The following CDH18 variants were observed in gnomAD, a reference collection of about 807,000 sequenced individuals.
The protein encoded by CDH18 is cadherin-18.
A neutral mutation model predicts 67.9 loss-of-function variants in CDH18; 31 were observed. That is an observed-to-expected ratio of 0.46 (90% CI 0.34 to 0.62). CDH18 has a LOEUF of 0.62. Among genes scored for constraint, CDH18 ranks in the 20% least tolerant of loss-of-function variants. The pLI is 0.01. For synonymous variants in CDH18, 362 were observed against 347.2 expected (o/e 1.04, Z -0.48); for missense variants, 890 against 975.5 (o/e 0.91, Z 1.17).
chr5:20,305,415 CCTAT>C, intron 1 of CDH18: 1 of 1,538,516 alleles, frequency 6.5e-7, no homozygotes, highest in East Asian at 2.3e-5. Flanking sequence ...GATCCCAATT[CCTAT>C]CTGTCAGTTC....
intron 1 of CDH18, among the ~76,000 whole-genome samples, chr5:20,570,885 A>G (rs1311503825): frequency 6.6e-6 from 1 of 152,186 alleles, no homozygotes; most frequent in Non-Finnish European, 1.5e-5. Context: ...ACATAGTTTC[A>G]CAAAGACAAA....
chr5:20,539,592 A>T lies in CDH18; in HGVS notation c.-580+35870T>A, dbSNP rs912298303. Among the ~76,000 whole-genome samples the T allele has an allele frequency of 1.3e-4, 20 of 152,246 alleles. 1 individual carries two copies. The highest frequency in any genetic ancestry group is 1.2e-3 in the Admixed American group (18 of 15,264). Reference sequence around the variant, plus strand: ...GTTAGGGCTTTTTGAACATTTGAGAAAGAGGTAGAAGTACATTTTTTTAAA... The same window carrying T: ...GTTAGGGCTTTTTGAACATTTGAGATAGAGGTAGAAGTACATTTTTTTAAA... On this transcript the variant is annotated intron_variant, in intron 1 of 14. Transcript: ENST00000507958.
intron 1 of CDH18, among the ~76,000 whole-genome samples, chr5:20,273,118 T>C (rs1745558835): frequency 6.6e-6 from 1 of 152,022 alleles, no homozygotes; most frequent in Non-Finnish European, 1.5e-5. Flanking sequence ...CTCATTTGAG[T>C]CTTGTAATTT....
At chr5:19,629,078 C>G (rs1439692373) in intron 5 of CDH18, among the ~76,000 whole-genome samples, 3 of 152,172 alleles carry the variant, frequency 2.0e-5, no homozygotes, top group Non-Finnish European at 2.9e-5. Context: ...ATAATGAGAA[C>G]TGTGGCAGTC....
At chr5:19,495,793 T>C (rs1226739880) in intron 11 of CDH18, among the ~76,000 whole-genome samples, 1 of 148,228 alleles carries the variant, frequency 6.7e-6, no homozygotes, top group African/African-American at 2.5e-5. Context: ...AGAAAACTGC[T>C]GAAGTGAGAT....
intron 1 of CDH18, among the ~76,000 whole-genome samples, chr5:20,270,512 G>C (rs1378540886): frequency 5.9e-5 from 9 of 152,176 alleles, no homozygotes; most frequent in African/African-American, 2.2e-4. Flanking sequence ...GGAGAAAAAA[G>C]GAATGCTTAT....
At chr5:20,107,012 G>A (rs866428979) in intron 2 of CDH18, among the ~76,000 whole-genome samples, 32 of 149,916 alleles carry the variant, frequency 2.1e-4, no homozygotes, top group African/African-American at 7.6e-4. Context: ...TAATAAAATG[G>A]GTCTTTGTTT....
At chr5:19,812,913 G>C (rs1778898829) in intron 3 of CDH18, among the ~76,000 whole-genome samples, 1 of 152,026 alleles carries the variant, frequency 6.6e-6, no homozygotes, top group Non-Finnish European at 1.5e-5. Context: ...ATGATAAACT[G>C]GATAAAGAAA....
intron 1 of CDH18, among the ~76,000 whole-genome samples, chr5:20,473,665 A>ACTTTGTG (rs1290322415): frequency 3.3e-5 from 5 of 152,160 alleles, no homozygotes; most frequent in Non-Finnish European, 7.4e-5. Context: ...CTTTCTAAAC[A>ACTTTGTG]GATTCCCAAA....
chr5:20,464,197 C>CA (rs1561029312), intron 1 of CDH18, among the ~76,000 whole-genome samples: 1 of 152,000 alleles, frequency 6.6e-6, no homozygotes, highest in East Asian at 1.9e-4. Flanking sequence ...ACAAACCAAT[C>CA]AAAAAAAGAA....
intron 1 of CDH18, among the ~76,000 whole-genome samples, chr5:20,454,790 T>A (rs985651957): frequency 8.5e-5 from 13 of 152,110 alleles, no homozygotes; most frequent in Admixed American, 3.3e-4. Flanking sequence ...TTGTGATGGA[T>A]GATCATAATC....
chr5:20,136,241 G>T (rs995486945), intron 2 of CDH18, among the ~76,000 whole-genome samples: 1 of 152,082 alleles, frequency 6.6e-6, no homozygotes, highest in African/African-American at 2.4e-5. Context: ...CTCTTTGTAG[G>T]TCTCTAAGGA....
intron 2 of CDH18, among the ~76,000 whole-genome samples, chr5:20,174,250 C>T (rs1181278486): frequency 6.6e-6 from 1 of 152,116 alleles, no homozygotes; most frequent in Non-Finnish European, 1.5e-5. Context: ...ATATACAATG[C>T]ATTTGCTCAT....
intron 2 of CDH18, among the ~76,000 whole-genome samples, chr5:19,969,885 T>A (rs115871675): frequency 0.012 from 1,890 of 152,102 alleles, 46 homozygotes; most frequent in African/African-American, 0.043. Flanking sequence ...AGTTTATAAA[T>A]TAACACCTTA....
chr5:19,758,348 T>C (rs1359974711), intron 3 of CDH18, among the ~76,000 whole-genome samples: 3 of 152,216 alleles, frequency 2.0e-5, no homozygotes, highest in Admixed American at 6.5e-5. Flanking sequence ...AGTAATTATA[T>C]GCAGAAGATG....
At chr5:19,513,367 T>C (rs1745424566) in intron 10 of CDH18, among the ~76,000 whole-genome samples, 1 of 152,166 alleles carries the variant, frequency 6.6e-6, no homozygotes, top group Non-Finnish European at 1.5e-5. Flanking sequence ...GACGACATTG[T>C]AATATACAAT....
At chr5:19,929,439 A>C (rs1793444076) in intron 2 of CDH18, among the ~76,000 whole-genome samples, 1 of 152,116 alleles carries the variant, frequency 6.6e-6, no homozygotes, top group Admixed American at 6.6e-5. Context: ...AAATTAGTGC[A>C]AGAAATCACA....
intron 1 of CDH18, among the ~76,000 whole-genome samples, chr5:20,521,794 T>TACAC (rs1318622013): frequency 1.3e-4 from 19 of 148,464 alleles, no homozygotes; most frequent in African/African-American, 4.4e-4. Flanking sequence ...AAGCACAAGT[T>TACAC]ACACACACAC....
At chr5:20,041,090 T>C (rs1034927320) in intron 2 of CDH18, among the ~76,000 whole-genome samples, 7 of 152,176 alleles carry the variant, frequency 4.6e-5, no homozygotes, top group Non-Finnish European at 7.3e-5. Flanking sequence ...CACAAGCTAC[T>C]GAAGAAGGAA....
Sources: gnomAD v4.1 joint callset for allele counts (sites outside exome capture counted in the v4.1 genomes callset) on GRCh38, gnomAD v4.1.1 for gene constraint, MANE v1.5 for transcripts, NCBI Gene and HGNC (gene_info 2026-07-23, HGNC 2026-07-21) for gene names.